SMAD9: variants seen among roughly 807,000 people sequenced by gnomAD.
SMAD9 encodes the protein SMAD family member 9, also known as MAD homolog 9.
Under a neutral mutation model 46.1 loss-of-function variants are expected in SMAD9, and 36 were observed. The ratio of observed to expected loss-of-function variants is 0.78; its 90% confidence interval spans 0.60 to 1.03. The LOEUF is 1.03. Among genes scored for constraint, SMAD9 ranks in the 50% least tolerant of loss-of-function variants. The probability of loss-of-function intolerance (pLI) is 0.00; values close to 1 mark genes in which losing one functional copy is unlikely to be tolerated. For synonymous variants in SMAD9, 245 were observed against 237.1 expected (o/e 1.03, Z -0.31); for missense variants, 572 against 599.8 (o/e 0.95, Z 0.48).
At chr13:36,884,594 T>C (rs1297231285) in intron 1 of SMAD9, among the ~76,000 whole-genome samples, 1 of 152,164 alleles carries the variant, frequency 6.6e-6, no homozygotes, top group Non-Finnish European at 1.5e-5. Context: ...ATGATTTAAG[T>C]GTACATGATT....
intron 1 of SMAD9, among the ~76,000 whole-genome samples, chr13:36,890,279 T>A (rs1467931011): frequency 3.9e-5 from 6 of 152,174 alleles, no homozygotes; most frequent in African/African-American, 1.4e-4. Context: ...ATTGTGCTTA[T>A]CTTTTCATCT....
At position 36,848,577 on chromosome 13, in the gene SMAD9, A is replaced by G. The variant is rs2058050542; in HGVS notation, c.*99T>C. On this transcript the variant is annotated 3_prime_UTR_variant, in exon 7 of 7. Transcript: ENST00000379826. Reference sequence around the variant, plus strand: ...AGAACAGTATACATTCTATGTATTTACACATGTTTTTAGAAACTTCAGTTG... The same window carrying G: ...AGAACAGTATACATTCTATGTATTTGCACATGTTTTTAGAAACTTCAGTTG... 1 of 1,116,484 alleles carries G rather than the reference A, an allele frequency of 9.0e-7. No individual in the cohort carries two copies. Among genetic ancestry groups the G allele is most frequent in the African/African-American group, 1.5e-5 (1 of 65,134 alleles). The allele number at this position is 1,116,484 out of a possible 1,614,324, so 69.2% of individuals were successfully genotyped here.
rs1438829257 is a variant in SMAD9 at position 36,848,673 on chromosome 13, C to CTT, written c.*2_*3insAA. On this transcript the variant is annotated 3_prime_UTR_variant, in exon 7 of 7. Coordinates refer to ENST00000379826, the MANE Select transcript of SMAD9 (RefSeq NM_001127217.3). ...TATGGAAATGCAGCTTAAGACATGA[C>CTT]TGTTAAGACACTGAAGAAATGGGGT... is the stretch of plus-strand genomic sequence containing the variant. 6.2e-7 allele frequency: 1 copy of CTT among 1,614,006 alleles called. No individual in the cohort carries two copies. Among genetic ancestry groups the CTT allele is most frequent in the Non-Finnish European group, 8.5e-7 (1 of 1,179,950 alleles).
Position 36,847,148 on chromosome 13 carries a change from CAT to C in SMAD9, c.*1526_*1527del, listed in dbSNP as rs2058042954. The C allele has an allele frequency of 6.6e-6, 1 of 152,192 alleles. No individual in the cohort carries two copies. The highest frequency in any genetic ancestry group is 1.5e-5 in the Non-Finnish European group (1 of 68,034). 9.4% of individuals were successfully genotyped at this position (152,192 alleles called of 1,614,324 possible). A position where few individuals can be genotyped will look rare whatever the true frequency, so the allele number is the denominator to read the frequency against. ...TAAGAGGTGACAGTAGTAGCTCAAT[CAT>C]ATATCTTTCTCACATGATCATTTCT... On this transcript the variant is annotated 3_prime_UTR_variant, in exon 7 of 7. Coordinates refer to ENST00000379826, the MANE Select transcript of SMAD9 (RefSeq NM_001127217.3).
chr13:36,914,571 C>A (rs575197792), intron 1 of SMAD9, among the ~76,000 whole-genome samples: 1 of 152,200 alleles, frequency 6.6e-6, no homozygotes, highest in African/African-American at 2.4e-5. Context: ...TCCTTCCTCA[C>A]TCCTCCTCTC....
chr13:36,879,162 T>TTC (rs2058375938), intron 2 of SMAD9, 116 bp downstream of exon 2: 23 of 870,372 alleles, frequency 2.6e-5, no homozygotes, highest in Non-Finnish European at 3.5e-5. Flanking sequence ...CTCTCCTCTC[T>TTC]TCTCTCTCTC....
chr13:36,868,186 T>G (rs1238567035), intron 3 of SMAD9, among the ~76,000 whole-genome samples: 6 of 152,216 alleles, frequency 3.9e-5, no homozygotes, highest in Admixed American at 3.3e-4. Context: ...AAATTGCCAG[T>G]GGAGCTTGCT....
intron 4 of SMAD9, among the ~76,000 whole-genome samples, chr13:36,866,140 G>C (rs1306747644): frequency 1.3e-5 from 2 of 152,208 alleles, no homozygotes; most frequent in Admixed American, 6.5e-5. Context: ...ACATGTGAAA[G>C]ATGGCATGTT....
chr13:36,905,587 C>T (rs2058612209), intron 1 of SMAD9, among the ~76,000 whole-genome samples: 1 of 151,796 alleles, frequency 6.6e-6, no homozygotes, highest in Non-Finnish European at 1.5e-5. Context: ...CAAACCCCAT[C>T]TCTACAAAAA....
chr13:36,884,672 T>A (rs2058430316), intron 1 of SMAD9, among the ~76,000 whole-genome samples: 2 of 152,216 alleles, frequency 1.3e-5, no homozygotes, highest in Admixed American at 6.5e-5. Flanking sequence ...TACTTTAAGT[T>A]GACGGTTTTA....
At chr13:36,910,041 C>CA (rs1481946125) in intron 1 of SMAD9, among the ~76,000 whole-genome samples, 2 of 151,786 alleles carry the variant, frequency 1.3e-5, no homozygotes, top group South Asian at 4.2e-4. Flanking sequence ...ACTAAAAATA[C>CA]AAAAAATTAT....
intron 5 of SMAD9, among the ~76,000 whole-genome samples, chr13:36,857,346 G>A (rs1254266138): frequency 2.0e-5 from 3 of 152,196 alleles, no homozygotes; most frequent in African/African-American, 7.2e-5. Context: ...ATGCCCCAAA[G>A]GAAGTACTGC....
chr13:36,906,057 CAA>C (rs1420836529), intron 1 of SMAD9, among the ~76,000 whole-genome samples: 2 of 152,042 alleles, frequency 1.3e-5, no homozygotes, highest in Non-Finnish European at 2.9e-5. Context: ...GGAAAAATAA[CAA>C]AGACTCTAAG....
intron 1 of SMAD9, among the ~76,000 whole-genome samples, chr13:36,888,673 T>G (rs1218821422): frequency 6.6e-6 from 1 of 152,096 alleles, no homozygotes; most frequent in Non-Finnish European, 1.5e-5. Context: ...ATGATGGAAG[T>G]AGGCGGTGCT....
chr13:36,902,848 T>G (rs549300673), intron 1 of SMAD9, among the ~76,000 whole-genome samples: 1 of 152,228 alleles, frequency 6.6e-6, no homozygotes, highest in African/African-American at 2.4e-5. Flanking sequence ...AATTAGGATA[T>G]GGACGTTTGT....
chr13:36,905,774 C>CAAAAA lies in SMAD9; in HGVS notation c.-187+14337_-187+14341dup, dbSNP rs60358673. On this transcript the variant is annotated intron_variant, in intron 1 of 6. Coordinates refer to ENST00000379826, the MANE Select transcript of SMAD9 (RefSeq NM_001127217.3). ...TAGATAAAAGGGCAAGACCCTGTCT[C>CAAAAA]AAAAAAAAAAAAAAAAAAAAAAAAA... 1.0e-3 allele frequency among the ~76,000 whole-genome samples: 69 copies of CAAAAA among 66,454 alleles called. 3 individuals are homozygous for CAAAAA. The highest frequency in any genetic ancestry group is 1.6e-3 in the Admixed American group (7 of 4,448). The allele number at this position is 66,454 out of a possible 152,430, so 43.6% of individuals were successfully genotyped here. A position where few individuals can be genotyped will look rare whatever the true frequency, so the allele number is the denominator to read the frequency against.
At chr13:36,894,242 T>C (rs970212373) in intron 1 of SMAD9, among the ~76,000 whole-genome samples, 3 of 152,140 alleles carry the variant, frequency 2.0e-5, no homozygotes, top group African/African-American at 7.2e-5. Flanking sequence ...AGGGACCTGG[T>C]GAGAGATAAT....
chr13:36,891,124 A>G (rs926789837), intron 1 of SMAD9, among the ~76,000 whole-genome samples: 1 of 151,914 alleles, frequency 6.6e-6, no homozygotes, highest in Admixed American at 6.6e-5. Flanking sequence ...ACAAATCCTA[A>G]GAAGAATGAA....
At chr13:36,873,372 C>T (rs371990868) in intron 2 of SMAD9, among the ~76,000 whole-genome samples, 1 of 152,002 alleles carries the variant, frequency 6.6e-6, no homozygotes, top group East Asian at 1.9e-4. Flanking sequence ...TGCAATGAAA[C>T]CCTAAGTGAT....
Sources: allele counts gnomAD v4.1 joint callset (sites outside exome capture counted in the v4.1 genomes callset), GRCh38; gene constraint gnomAD v4.1.1; transcripts MANE v1.5; gene names NCBI Gene and HGNC (gene_info 2026-07-23, HGNC 2026-07-21).